ALKBH8: variants seen among roughly 807,000 people sequenced by gnomAD.
ALKBH8 encodes the protein alkB homolog 8, tRNA methyltransferase.
In ALKBH8, 36 loss-of-function variants were observed where a neutral mutation model predicts 59.8. The ratio of observed to expected loss-of-function variants is 0.60; its 90% CI spans 0.46 to 0.79. The LOEUF (loss-of-function observed/expected upper bound fraction) is 0.79, where lower values mean the gene tolerates loss of function less well. Among genes scored for constraint, ALKBH8 ranks in the 30% least tolerant of loss-of-function variants. The pLI is 0.00. For missense variants in ALKBH8, 768 were observed against 801.0 expected (o/e 0.96, Z 0.50); for synonymous variants, 276 against 273.6 (o/e 1.01, Z -0.09).
At chr11:107,558,360 T>C (rs1056207617) in intron 2 of ALKBH8, among the ~76,000 whole-genome samples, 6 of 152,246 alleles carry the variant, frequency 3.9e-5, no homozygotes, top group African/African-American at 1.4e-4. Context: ...TACTATATGA[T>C]ATGGAGTAAA....
chr11:107,563,022 G>A (rs1172325753), intron 1 of ALKBH8, among the ~76,000 whole-genome samples: 1 of 152,164 alleles, frequency 6.6e-6, no homozygotes, highest in Non-Finnish European at 1.5e-5. Flanking sequence ...GGAGGTTCAG[G>A]AAGAGCTGCT....
chr11:107,548,862 T>C (rs1324137155), intron 7 of ALKBH8, among the ~76,000 whole-genome samples: 1 of 152,008 alleles, frequency 6.6e-6, no homozygotes, highest in Non-Finnish European at 1.5e-5. Context: ...TTTCTTTTTT[T>C]TTTTTTGAGT....
At chr11:107,509,329 A>G (rs759514582) in intron 11 of ALKBH8, among the ~76,000 whole-genome samples, 28 of 152,114 alleles carry the variant, frequency 1.8e-4, no homozygotes, top group Non-Finnish European at 3.2e-4. Context: ...TGTCTATTTA[A>G]GTCCTCTGTC....
chr11:107,540,173 G>C (rs893744635), intron 7 of ALKBH8, among the ~76,000 whole-genome samples: 4 of 152,140 alleles, frequency 2.6e-5, no homozygotes, highest in African/African-American at 7.2e-5. Context: ...TATACATCTG[G>C]GAATGTGCCT....
At chr11:107,530,239 C>T (rs1374015757) in intron 8 of ALKBH8, among the ~76,000 whole-genome samples, 1 of 152,080 alleles carries the variant, frequency 6.6e-6, no homozygotes, top group Non-Finnish European at 1.5e-5. Context: ...GGTATGATGG[C>T]TAGAATAGTA....
chr11:107,541,582 T>C (rs1038481291), intron 7 of ALKBH8, among the ~76,000 whole-genome samples: 4 of 152,244 alleles, frequency 2.6e-5, no homozygotes, highest in Non-Finnish European at 5.9e-5. Context: ...AAAATCCCAC[T>C]GTCCTTGGAG....
At chr11:107,527,839 A>T (rs1591277848) in intron 8 of ALKBH8, among the ~76,000 whole-genome samples, 1 of 152,034 alleles carries the variant, frequency 6.6e-6, no homozygotes, top group Admixed American at 6.6e-5. Context: ...TGGCTAAGAT[A>T]TCCAATATAG....
chr11:107,555,738 G>T (rs1293587304), intron 3 of ALKBH8, among the ~76,000 whole-genome samples: 1 of 152,156 alleles, frequency 6.6e-6, no homozygotes, highest in Non-Finnish European at 1.5e-5. Context: ...CTCTTTTACT[G>T]CCTAAATAGG....
At chr11:107,559,156 C>T (rs612125) in intron 2 of ALKBH8, among the ~76,000 whole-genome samples, 53 of 152,300 alleles carry the variant, frequency 3.5e-4, no homozygotes, top group African/African-American at 1.2e-3. Context: ...CCAGGACTTT[C>T]GCCTTCTGCC....
At chr11:107,526,965 T>C (rs1591276469) in intron 8 of ALKBH8, among the ~76,000 whole-genome samples, 1 of 152,122 alleles carries the variant, frequency 6.6e-6, no homozygotes, top group Non-Finnish European at 1.5e-5. Flanking sequence ...TTTGATTATA[T>C]AGCCATATAG....
intron 10 of ALKBH8, among the ~76,000 whole-genome samples, chr11:107,519,928 T>C (rs1228612167): frequency 3.9e-5 from 6 of 152,178 alleles, no homozygotes; most frequent in Non-Finnish European, 2.9e-5. Context: ...GAGAATCAAA[T>C]GAAATGATCT....
intron 4 of ALKBH8, 27 bp downstream of exon 4, chr11:107,553,820 A>G (rs770043645): frequency 6.3e-6 from 10 of 1,597,220 alleles, no homozygotes; most frequent in Admixed American, 3.6e-5. Flanking sequence ...AAACTTTCAA[A>G]TATCAGATTT....
At chr11:107,520,606 GT>G (rs1863068925) in intron 10 of ALKBH8, among the ~76,000 whole-genome samples, 2 of 152,110 alleles carry the variant, frequency 1.3e-5, no homozygotes, top group African/African-American at 2.4e-5. Context: ...ATATCACCTT[GT>G]TTTGAACTGT....
chr11:107,527,814 C>T (rs1029406295), intron 8 of ALKBH8, among the ~76,000 whole-genome samples: 2 of 151,756 alleles, frequency 1.3e-5, no homozygotes, highest in African/African-American at 4.8e-5. Flanking sequence ...AATTCTTTTT[C>T]TTGACTTCTC....
chr11:107,549,413 G>T (rs970582099), intron 7 of ALKBH8, among the ~76,000 whole-genome samples: 1 of 151,982 alleles, frequency 6.6e-6, no homozygotes, highest in African/African-American at 2.4e-5. Context: ...TTTTTCTATG[G>T]CATGAAGCTA....
chr11:107,508,442 G>A (rs1181767389), intron 11 of ALKBH8, among the ~76,000 whole-genome samples: 1 of 152,110 alleles, frequency 6.6e-6, no homozygotes, highest in Non-Finnish European at 1.5e-5. Context: ...CAAAGCACTG[G>A]GATGACAGGC....
chr11:107,516,567 C>T (rs934247646), intron 10 of ALKBH8, among the ~76,000 whole-genome samples: 1 of 151,956 alleles, frequency 6.6e-6, no homozygotes, highest in Non-Finnish European at 1.5e-5. Flanking sequence ...TGGATATGAC[C>T]CCAAAAACAA....
intron 4 of ALKBH8, 48 bp downstream of exon 4, chr11:107,553,799 G>T (rs201574030): frequency 1.3e-6 from 2 of 1,571,384 alleles, no homozygotes; most frequent in African/African-American, 1.4e-5. Context: ...AAAGGAAGAA[G>T]AGTTTTGCAG....
At chr11:107,513,533 T>C (rs568748629) in intron 10 of ALKBH8, among the ~76,000 whole-genome samples, 1 of 152,324 alleles carries the variant, frequency 6.6e-6, no homozygotes, top group South Asian at 2.1e-4. Flanking sequence ...AGCAATTCCA[T>C]TATTGGGTAT....
Sources: allele counts gnomAD v4.1 joint callset (sites outside exome capture counted in the v4.1 genomes callset), GRCh38; gene constraint gnomAD v4.1.1; transcripts MANE v1.5; gene names NCBI Gene and HGNC (gene_info 2026-07-23, HGNC 2026-07-21).